Variants in CNTNAP5 observed in about 807,000 individuals in gnomAD.
CNTNAP5 encodes the protein contactin-associated protein-like 5.
CNTNAP5 carries 72 observed loss-of-function variants against 150.2 expected under a neutral mutation model. That is an observed-to-expected ratio of 0.48 (90% CI 0.40 to 0.58). The LOEUF is 0.58. CNTNAP5 is among the 20% of genes least tolerant of loss of function. The probability of loss-of-function intolerance (pLI) is 0.00; values close to 1 mark genes in which losing one functional copy is unlikely to be tolerated. For synonymous variants in CNTNAP5, 672 were observed against 619.8 expected (o/e 1.08, Z -1.25); for missense variants, 1,636 against 1,626.2 (o/e 1.01, Z -0.10).
chr2:124,904,861 G>A (rs1678498249), intron 22 of CNTNAP5, among the ~76,000 whole-genome samples: 1 of 151,390 alleles, frequency 6.6e-6, no homozygotes, highest in Non-Finnish European at 1.5e-5. Context: ...TGATCAACAA[G>A]AGCGAAAATT....
intron 21 of CNTNAP5, among the ~76,000 whole-genome samples, chr2:124,875,024 A>C (rs1266938813): frequency 6.6e-6 from 1 of 152,072 alleles, no homozygotes; most frequent in Non-Finnish European, 1.5e-5. Context: ...CTAATCTGTA[A>C]ATTGCAGAGC....
At chr2:124,197,984 A>T (rs1009610632) in intron 1 of CNTNAP5, among the ~76,000 whole-genome samples, 19 of 151,542 alleles carry the variant, frequency 1.3e-4, no homozygotes, top group South Asian at 2.1e-4. Flanking sequence ...CTCAAAAAAA[A>T]AATAATAAAA....
chr2:124,799,313 C>T (rs891596870), intron 19 of CNTNAP5, among the ~76,000 whole-genome samples: 7 of 152,128 alleles, frequency 4.6e-5, no homozygotes, highest in East Asian at 3.9e-4. Flanking sequence ...ATGGCTACTG[C>T]GAGTTAAAAT....
chr2:124,632,120 C>T (rs1214587949), intron 12 of CNTNAP5, among the ~76,000 whole-genome samples: 2 of 152,084 alleles, frequency 1.3e-5, no homozygotes, highest in Non-Finnish European at 2.9e-5. Flanking sequence ...TAAATTAGTT[C>T]AACCATTGTG....
intron 3 of CNTNAP5, among the ~76,000 whole-genome samples, chr2:124,342,478 A>C (rs892030359): frequency 3.9e-5 from 6 of 152,112 alleles, no homozygotes; most frequent in African/African-American, 1.4e-4. Context: ...GGGGCTTTTT[A>C]TTGGCTTCAT....
intron 11 of CNTNAP5, among the ~76,000 whole-genome samples, chr2:124,563,645 T>C (rs1396719174): frequency 6.6e-6 from 1 of 152,102 alleles, no homozygotes; most frequent in African/African-American, 2.4e-5. Context: ...AATTGCATAG[T>C]CTTGATGAGT....
chr2:124,044,889 A>ACAC (rs1681482945), intron 1 of CNTNAP5, among the ~76,000 whole-genome samples: 1 of 143,996 alleles, frequency 6.9e-6, no homozygotes, highest in Non-Finnish European at 1.5e-5. Flanking sequence ...GTAGTGAGGA[A>ACAC]ACACACACAC....
intron 12 of CNTNAP5, among the ~76,000 whole-genome samples, chr2:124,612,053 C>T (rs1677395727): frequency 6.6e-6 from 1 of 152,146 alleles, no homozygotes; most frequent in Admixed American, 6.5e-5. Flanking sequence ...TAATTCATAT[C>T]ACTAAAATGT....
chr2:124,368,086 A>T (rs80273225), intron 3 of CNTNAP5, among the ~76,000 whole-genome samples: 2,446 of 152,276 alleles, frequency 0.016, 64 homozygotes, highest in African/African-American at 0.055. Flanking sequence ...TGCTGGTTAG[A>T]TTCCCACACT....
chr2:124,291,100 T>C (rs1028346037), intron 3 of CNTNAP5, among the ~76,000 whole-genome samples: 1 of 152,070 alleles, frequency 6.6e-6, no homozygotes, highest in Non-Finnish European at 1.5e-5. Context: ...TATTTTGTAA[T>C]TAATAATCTT....
At chr2:124,562,448 T>G (rs1021925485) in intron 10 of CNTNAP5, among the ~76,000 whole-genome samples, 1 of 152,202 alleles carries the variant, frequency 6.6e-6, no homozygotes, top group Admixed American at 6.5e-5. Context: ...GTTGGACACT[T>G]ATGTTGATTC....
chr2:124,519,896 A>G (rs2104881633), intron 8 of CNTNAP5, among the ~76,000 whole-genome samples: 1 of 152,336 alleles, frequency 6.6e-6, no homozygotes, highest in African/African-American at 2.4e-5. Flanking sequence ...CTGATGCCCT[A>G]GGCTGAATTC....
chr2:124,083,577 T>C (rs1226530589), intron 1 of CNTNAP5, among the ~76,000 whole-genome samples: 1 of 152,146 alleles, frequency 6.6e-6, no homozygotes, highest in African/African-American at 2.4e-5. Flanking sequence ...ATCTTTTCTC[T>C]ACTGAATTGC....
intron 1 of CNTNAP5, among the ~76,000 whole-genome samples, chr2:124,202,922 C>T (rs1685765635): frequency 1.3e-5 from 2 of 152,126 alleles, no homozygotes; most frequent in Admixed American, 6.5e-5. Context: ...CCACCCCTGG[C>T]CCCTTCCAAA....
chr2:124,179,705 G>A (rs1213037023), intron 1 of CNTNAP5, among the ~76,000 whole-genome samples: 2 of 152,144 alleles, frequency 1.3e-5, no homozygotes, highest in Non-Finnish European at 2.9e-5. Flanking sequence ...GCATGGAAGG[G>A]GTTGGGTTAT....
chr2:124,583,278 G>C (rs1380090341), intron 11 of CNTNAP5, among the ~76,000 whole-genome samples: 1 of 152,188 alleles, frequency 6.6e-6, no homozygotes, highest in Middle Eastern at 3.2e-3. Context: ...CAAGGAGCAG[G>C]AATACTCAGG....
chr2:124,329,405 T>TAGCCA (rs1225292346), intron 3 of CNTNAP5, among the ~76,000 whole-genome samples: 1 of 152,120 alleles, frequency 6.6e-6, no homozygotes, highest in African/African-American at 2.4e-5. Flanking sequence ...CTTCCAGAGA[T>TAGCCA]AGCCCCTCAG....
chr2:124,775,227 T>C (rs1681294895), intron 17 of CNTNAP5, among the ~76,000 whole-genome samples: 1 of 152,178 alleles, frequency 6.6e-6, no homozygotes, highest in Non-Finnish European at 1.5e-5. Flanking sequence ...TCTCAACATT[T>C]CCATCTTGCA....
At chr2:124,468,511 G>T (rs891978482) in intron 6 of CNTNAP5, among the ~76,000 whole-genome samples, 2 of 152,066 alleles carry the variant, frequency 1.3e-5, no homozygotes, top group African/African-American at 4.8e-5. Flanking sequence ...CAGTTGACTA[G>T]ATGGGGCCCA....
Sources: allele counts gnomAD v4.1 joint callset (sites outside exome capture counted in the v4.1 genomes callset), GRCh38; gene constraint gnomAD v4.1.1; transcripts MANE v1.5; gene names NCBI Gene and HGNC (gene_info 2026-07-23, HGNC 2026-07-21).